Variants in TENM3 observed in about 807,000 individuals in gnomAD.
The protein encoded by TENM3 is teneurin-3.
Under a neutral mutation model 255.1 loss-of-function variants are expected in TENM3, and 63 were observed. The ratio of observed to expected loss-of-function variants is 0.25; its 90% CI spans 0.20 to 0.30. The LOEUF (loss-of-function observed/expected upper bound fraction) is 0.30, where lower values mean the gene tolerates loss of function less well. Among genes scored for constraint, TENM3 ranks in the 10% least tolerant of loss-of-function variants. TENM3 has a pLI of 1.00. For synonymous variants in TENM3, 1,306 were observed against 1,322.3 expected (o/e 0.99, Z 0.27); for missense variants, 2,929 against 3,461.1 (o/e 0.85, Z 3.86).
intron 3 of TENM3, among the ~76,000 whole-genome samples, chr4:182,389,161 C>A (rs1439696163): frequency 6.6e-6 from 1 of 152,064 alleles, no homozygotes; most frequent in Non-Finnish European, 1.5e-5. Context: ...AACTTTTCAT[C>A]CTGATGGTAA....
the TENM3 span, among the ~76,000 whole-genome samples, chr4:181,567,997 CAT>C: frequency 6.6e-6 from 1 of 151,910 alleles, no homozygotes; most frequent in Admixed American, 6.6e-5. Flanking sequence ...AAAAAAAAAT[CAT>C]ATATTACATC....
the TENM3 span, among the ~76,000 whole-genome samples, chr4:181,920,679 A>G: frequency 1.3e-5 from 2 of 151,454 alleles, no homozygotes; most frequent in Non-Finnish European, 2.9e-5. Context: ...CCCATTTTGT[A>G]GGTTGCCTGT....
chr4:181,845,712 C>G, the TENM3 span, among the ~76,000 whole-genome samples: 4 of 152,188 alleles, frequency 2.6e-5, no homozygotes, highest in Non-Finnish European at 5.9e-5. Flanking sequence ...TATTAACGCT[C>G]TATACCTAAA....
the TENM3 span, among the ~76,000 whole-genome samples, chr4:181,658,649 G>C: frequency 6.6e-6 from 1 of 152,198 alleles, no homozygotes; most frequent in East Asian, 1.9e-4. Context: ...TAGCACGATG[G>C]AGCAGAGAGC....
intron 1 of TENM3, among the ~76,000 whole-genome samples, chr4:182,256,866 T>G (rs2150141081): frequency 6.6e-6 from 1 of 152,234 alleles, no homozygotes; most frequent in East Asian, 1.9e-4. Context: ...ATTATTATTT[T>G]TAGCTTACTC....
chr4:182,595,927 T>C (rs1253523422), intron 3 of TENM3, among the ~76,000 whole-genome samples: 1 of 151,214 alleles, frequency 6.6e-6, no homozygotes, highest in Non-Finnish European at 1.5e-5. Context: ...GATCTTTATA[T>C]TATTCACATA....
the TENM3 span, among the ~76,000 whole-genome samples, chr4:181,599,485 C>T: frequency 6.6e-6 from 1 of 152,230 alleles, no homozygotes. Context: ...AAGAGAGACA[C>T]TGAACACAAC....
the TENM3 span, among the ~76,000 whole-genome samples, chr4:181,501,910 G>C: frequency 6.6e-6 from 1 of 152,176 alleles, no homozygotes; most frequent in Non-Finnish European, 1.5e-5. Context: ...ACATAAGTCA[G>C]GAGGGAAAGA....
At chr4:182,298,335 G>A (rs7437074) in intron 1 of TENM3, among the ~76,000 whole-genome samples, 34,390 of 152,044 alleles carry the variant, frequency 0.23, 4,389 homozygotes, top group African/African-American at 0.33. Context: ...AGGTGGAAAC[G>A]CCTCAGAAGG....
intron 1 of TENM3, among the ~76,000 whole-genome samples, chr4:182,149,040 G>A (rs938749817): frequency 1.1e-4 from 16 of 151,940 alleles, no homozygotes; most frequent in Middle Eastern, 3.4e-3. Flanking sequence ...AAAGAAAGAT[G>A]TAACTGCTTT....
the TENM3 span, among the ~76,000 whole-genome samples, chr4:181,962,155 A>C: frequency 3.3e-5 from 5 of 152,240 alleles, no homozygotes; most frequent in Non-Finnish European, 5.9e-5. Flanking sequence ...TAAATTAGAC[A>C]TAAGCAAGTC....
At chr4:182,345,795 T>A (rs1386434343) in intron 2 of TENM3, among the ~76,000 whole-genome samples, 1 of 152,166 alleles carries the variant, frequency 6.6e-6, no homozygotes, top group Non-Finnish European at 1.5e-5. Flanking sequence ...TTATGCTCAA[T>A]TTATTAGTAA....
intron 3 of TENM3, among the ~76,000 whole-genome samples, chr4:182,543,473 T>G (rs1270291265): frequency 6.6e-6 from 1 of 152,196 alleles, no homozygotes; most frequent in Non-Finnish European, 1.5e-5. Context: ...CTGATTTTTA[T>G]GAGTGAAGTA....
intron 1 of TENM3, among the ~76,000 whole-genome samples, chr4:182,165,295 A>T (rs1392932299): frequency 6.6e-6 from 1 of 152,180 alleles, no homozygotes; most frequent in Non-Finnish European, 1.5e-5. Context: ...GTAAGGATGC[A>T]TTAGGGCTGA....
Position 182,601,144 on chromosome 4 carries a change from T to G in TENM3, c.732T>G (p.Asn244Lys). The stretch of plus-strand genomic sequence containing the variant: ...AGGACAGCTGGGTCCTTGGCAGTAA[T>G]GTACCACTGGAAAGCAGGTAACATC... ...QLQDSWVLGS[N>K]VPLESRHFLF... The change falls in exon 4 of 28, where the codon AAT becomes AAG. Residue 244 changes from asparagine (N) to lysine (K), a missense_variant. By Grantham distance (94) the Asn-to-Lys change is moderately conservative. Around this residue, in one of 6 missense-constraint regions of TENM3, gnomAD observed 1,608 missense variants for 1,884.4 expected, o/e 0.85. Transcript: ENST00000511685. 6.2e-7 allele frequency: 1 copy of G among 1,613,838 alleles called. No homozygotes were observed. The highest frequency in any genetic ancestry group is 8.5e-7 in the Non-Finnish European group (1 of 1,179,788).
rs1257956693 is a variant in TENM3 at position 182,389,473 on chromosome 4, G to GA, written c.511+42553dup. On this transcript the variant is annotated intron_variant, in intron 3 of 27. Coordinates refer to ENST00000511685, the MANE Select transcript of TENM3 (RefSeq NM_001080477.4). ...AATTCCGAAACCATTTTACCTGCCA[G>GA]AAAAAAAAATTACATATAATTACTT... Among the ~76,000 whole-genome samples the GA allele has an allele frequency of 1.9e-4, 29 of 150,410 alleles. No individual in the cohort carries two copies. In the South Asian group the frequency reaches 3.0e-3, roughly 15 times the overall value.
chr4:182,662,977 G>T (rs1359264613), intron 6 of TENM3, among the ~76,000 whole-genome samples: 1 of 152,202 alleles, frequency 6.6e-6, no homozygotes, highest in South Asian at 2.1e-4. Flanking sequence ...CAAACTAGAG[G>T]CTTAAACAGG....
the TENM3 span, among the ~76,000 whole-genome samples, chr4:182,074,215 C>G: frequency 6.6e-6 from 1 of 152,122 alleles, no homozygotes; most frequent in Non-Finnish European, 1.5e-5. Context: ...TATAAACAGA[C>G]GTGTGTCTGT....
At chr4:181,932,762 C>A in the TENM3 span, among the ~76,000 whole-genome samples, 4 of 152,166 alleles carry the variant, frequency 2.6e-5, no homozygotes, top group African/African-American at 4.8e-5. Context: ...TTGGAACCAA[C>A]CCAAATGCCC....
Sources: allele counts gnomAD v4.1 joint callset (sites outside exome capture counted in the v4.1 genomes callset), GRCh38; gene constraint gnomAD v4.1.1; regional missense constraint gnomAD v4.1.1; transcripts MANE v1.5; gene names NCBI Gene and HGNC (gene_info 2026-07-23, HGNC 2026-07-21).